The following A2ML1 variants were observed in gnomAD, a reference collection of about 807,000 sequenced individuals.
The protein encoded by A2ML1 is alpha-2-macroglobulin-like protein 1.
A neutral mutation model predicts 181.9 loss-of-function variants in A2ML1; 161 were observed. The ratio of observed to expected loss-of-function variants is 0.89; its 90% CI spans 0.78 to 1.01. The LOEUF is 1.01. Among genes scored for constraint, A2ML1 ranks in the 50% least tolerant of loss-of-function variants. The probability of loss-of-function intolerance (pLI) is 0.00; values close to 1 mark genes in which losing one functional copy is unlikely to be tolerated. For synonymous variants in A2ML1, 663 were observed against 666.8 expected (o/e 0.99, Z 0.09); for missense variants, 1,670 against 1,768.1 (o/e 0.94, Z 1.00).
At chr12:8,860,244 G>A (rs1345355761) in intron 26 of A2ML1, among the ~76,000 whole-genome samples, 5 of 151,920 alleles carry the variant, frequency 3.3e-5, no homozygotes, top group Middle Eastern at 3.4e-3. Context: ...GGGTTTTACC[G>A]TGTTGCCCAG....
At chr12:8,854,364 ACTT>A in intron 21 of A2ML1, 115 bp downstream of exon 21, 1 of 1,440,456 alleles carries the variant, frequency 6.9e-7, no homozygotes, top group Non-Finnish European at 9.2e-7. Flanking sequence ...GGCAGCTTCA[ACTT>A]TCTCCTTCCC....
chr12:8,885,774 T>G (rs541573395), intron 7 of A2ML1, among the ~76,000 whole-genome samples: 2 of 152,184 alleles, frequency 1.3e-5, no homozygotes, highest in Non-Finnish European at 2.9e-5. Context: ...AAAAGCTGTT[T>G]TTGTTTTAAT....
At chr12:8,828,675 C>T (rs1592101777) in intron 3 of A2ML1, among the ~76,000 whole-genome samples, 1 of 152,258 alleles carries the variant, frequency 6.6e-6, no homozygotes, top group East Asian at 1.9e-4. Context: ...TAGAAGGAGT[C>T]TCTCCCCATA....
intron 15 of A2ML1, 23 bp from the exon 16 acceptor site, chr12:8,848,697 T>A: frequency 6.4e-7 from 1 of 1,568,920 alleles, no homozygotes; most frequent in Non-Finnish European, 8.6e-7. Flanking sequence ...AATGCTTTAT[T>A]TCCTCTCCCC....
At chr12:8,880,699 C>T (rs1944862634), downstream of A2ML1, 1 of 152,138 alleles carries the variant, frequency 6.6e-6, no homozygotes, top group Non-Finnish European at 1.5e-5. Flanking sequence ...ATCAGGAAGA[C>T]TTACTGACAT....
At chr12:8,851,660 C>A in intron 18 of A2ML1, 124 bp from the exon 19 acceptor site, 4 of 857,864 alleles carry the variant, frequency 4.7e-6, no homozygotes, top group East Asian at 2.6e-5. Context: ...CTCACCTCAG[C>A]CTCTCAAAGA....
intron 8 of A2ML1, 28 bp downstream of exon 8, chr12:8,837,594 C>A (rs1358189377): frequency 2.5e-6 from 4 of 1,602,630 alleles, no homozygotes; most frequent in Non-Finnish European, 3.4e-6. Context: ...TAAAAAGGAA[C>A]CTATCGGCCA....
intron 32 of A2ML1, 139 bp downstream of exon 32, chr12:8,868,766 G>A: frequency 4.6e-6 from 3 of 647,694 alleles, no homozygotes; most frequent in South Asian, 2.0e-5. Context: ...ATATATGTAT[G>A]TATATGTATG....
At chr12:8,877,235 A>G (rs1209037063), downstream of A2ML1, among the ~76,000 whole-genome samples, 2 of 152,226 alleles carry the variant, frequency 1.3e-5, no homozygotes, top group Admixed American at 6.5e-5. Flanking sequence ...ACACCCTTTT[A>G]TCCTGGGTAT....
chr12:8,867,642 C>T (rs771638975), intron 29 of A2ML1, among the ~76,000 whole-genome samples, 200 bp from the exon 30 acceptor site: 13 of 148,378 alleles, frequency 8.8e-5, no homozygotes, highest in Admixed American at 2.7e-4. Context: ...AGCAAAACTC[C>T]ATCTGAAAAA....
At chr12:8,860,344 C>T (rs1944212542) in intron 26 of A2ML1, among the ~76,000 whole-genome samples, 2 of 152,152 alleles carry the variant, frequency 1.3e-5, no homozygotes, top group South Asian at 2.1e-4. Context: ...TGCGTGACCA[C>T]AAGCTATTTA....
intron 4 of A2ML1, among the ~76,000 whole-genome samples, chr12:8,830,020 G>A (rs1476180918): frequency 6.6e-6 from 1 of 152,090 alleles, no homozygotes. Flanking sequence ...TCAGGTTCTT[G>A]AGAGATGGTT....
intron 33 of A2ML1, among the ~76,000 whole-genome samples, chr12:8,871,297 A>G (rs1353546309): frequency 7.3e-6 from 1 of 136,754 alleles, no homozygotes; most frequent in East Asian, 1.9e-4. Context: ...GCAGGTGTTC[A>G]GTGTGCACTC....
chr12:8,823,075 G>T, intron 1 of A2ML1, 107 bp from the exon 2 acceptor site: 1 of 1,117,740 alleles, frequency 8.9e-7, no homozygotes. Flanking sequence ...GAAGGCAGGG[G>T]CTTGGTCTGT....
intron 6 of A2ML1, among the ~76,000 whole-genome samples, chr12:8,836,049 G>A (rs73038703): frequency 1.3e-5 from 2 of 151,262 alleles, no homozygotes; most frequent in East Asian, 3.9e-4. Flanking sequence ...CAAAGGTGGA[G>A]TAAAATGTAC....
intron 22 of A2ML1, 148 bp from the exon 23 acceptor site, chr12:8,855,361 T>C: frequency 1.5e-6 from 1 of 664,718 alleles, no homozygotes; most frequent in Non-Finnish European, 2.6e-6. Context: ...AAGATCACTA[T>C]GAATAGTACC....
chr12:8,868,428 G>A (rs1249855629), intron 31 of A2ML1, 71 bp downstream of exon 31: 24 of 1,590,914 alleles, frequency 1.5e-5, no homozygotes, highest in Admixed American at 5.3e-5. Flanking sequence ...ACACTTGTGT[G>A]TGTGTGTGTC....
intron 3 of A2ML1, among the ~76,000 whole-genome samples, chr12:8,825,676 G>A (rs1335791042): frequency 6.6e-6 from 1 of 152,148 alleles, no homozygotes; most frequent in Admixed American, 6.5e-5. Context: ...CCAGACCAAT[G>A]TTCTGGAGAG....
At position 8,874,537 on chromosome 12, in the gene A2ML1, C is replaced by T; in HGVS notation, c.4324+10C>T. 1 of 1,601,314 alleles carries T rather than the reference C, an allele frequency of 6.2e-7. No individual in the cohort carries two copies. Among genetic ancestry groups the T allele is most frequent in the South Asian group, 1.1e-5 (1 of 90,714 alleles). The stretch of plus-strand genomic sequence containing the variant: ...GACTACTACCTACCAGGTGAGAGGG[C>T]TGAGCTGAAATGAGATCTGAGATCT... On this transcript the variant is annotated intron_variant, in intron 34 of 35. Transcript: ENST00000299698.
Sources: allele counts gnomAD v4.1 joint callset (sites outside exome capture counted in the v4.1 genomes callset), GRCh38; gene constraint gnomAD v4.1.1; transcripts MANE v1.5; gene names NCBI Gene and HGNC (gene_info 2026-07-23, HGNC 2026-07-21).